The following AGAP2 variants were observed in gnomAD, a reference collection of about 807,000 sequenced individuals.
The protein encoded by AGAP2 is arf-GAP with GTPase, ANK repeat and PH domain-containing protein 2.
A neutral mutation model predicts 110.9 loss-of-function variants in AGAP2; 32 were observed. That is an observed-to-expected ratio of 0.29 (90% CI 0.22 to 0.39). The LOEUF (loss-of-function observed/expected upper bound fraction) is 0.39, where lower values mean the gene tolerates loss of function less well. AGAP2 is among the 10% of genes least tolerant of loss of function. The probability of loss-of-function intolerance (pLI) is 1.00; values close to 1 mark genes in which losing one functional copy is unlikely to be tolerated. For synonymous variants in AGAP2, 702 were observed against 713.0 expected, an observed-to-expected ratio of 0.98 and a Z score of 0.25; for missense variants, 1,285 against 1,638.5, an observed-to-expected ratio of 0.78 and a Z score of 3.72.
At chr12:57,731,004 G>T (rs1954875467) in intron 10 of AGAP2, 51 bp from the exon 11 acceptor site, 5 of 1,461,982 alleles carry the variant, frequency 3.4e-6, no homozygotes, top group African/African-American at 1.4e-5. Context: ...TCCTTGGTAT[G>T]CTGGGAAGCA....
In AGAP2 at chr12:57,734,491, C is replaced by T. The variant is rs1016387824; in HGVS notation, c.1316-87G>A. ...GCTCCCAGTGCTTTTGCTATTATGG[C>T]CTCATCCTTCCCCCCTGGTCTCCAC... is the stretch of plus-strand genomic sequence containing the variant. On this transcript the variant is annotated intron_variant, in intron 3 of 18. Transcript: ENST00000547588. The T allele has an allele frequency of 1.0e-5, 16 of 1,584,258 alleles. No homozygotes were observed. The African/African-American group carries it at 1.7e-4, about 17-fold the overall frequency.
intron 1 of AGAP2, 95 bp from the exon 2 acceptor site, chr12:57,735,522 C>T: frequency 1.7e-6 from 2 of 1,157,984 alleles, no homozygotes; most frequent in Non-Finnish European, 2.5e-6. Context: ...CTTTCCAACC[C>T]CCCCCCAACC....
chr12:57,741,228 G>A (rs1595099835), upstream of AGAP2, among the ~76,000 whole-genome samples: 1 of 152,270 alleles, frequency 6.6e-6, no homozygotes, highest in East Asian at 1.9e-4. Context: ...TGTTGCCATG[G>A]CAGCATTTCC....
chr12:57,731,029 G>A, intron 10 of AGAP2, 76 bp from the exon 11 acceptor site: 34 of 1,394,922 alleles, frequency 2.4e-5, no homozygotes, highest in Non-Finnish European at 3.1e-5. Context: ...ACATGGTACA[G>A]AATAGAGAGG....
intron 10 of AGAP2, 32 bp from the exon 11 acceptor site, chr12:57,730,985 A>G: frequency 6.7e-7 from 1 of 1,481,828 alleles, no homozygotes; most frequent in Non-Finnish European, 8.9e-7. Flanking sequence ...AGTGTAGGGA[A>G]GGTTGGGGTC....
In AGAP2 at chr12:57,737,951, C is replaced by G. The variant is rs1955021716; in HGVS notation, c.296G>C (p.Ser99Thr). The change falls in exon 1 of 19, where the codon AGT (serine) becomes ACT (threonine). Residue 99 changes from serine to threonine, a missense_variant. By Grantham distance (58) the Ser-to-Thr change is moderately conservative. This residue lies in a region of AGAP2 where 844 missense variants were observed against 941.2 expected (regional missense o/e 0.90). Coordinates refer to ENST00000547588, the MANE Select transcript of AGAP2 (RefSeq NM_001122772.3). This position sits in a 1 kb window ranked among gnomAD's most constrained non-coding sequence, Gnocchi z 5.9. ...EPPALSPAPA[S>T]PARPVSPAPG... Reference sequence around the variant, plus strand: ...AGCGGGGGAGACTGGGCGGGCCGGACTGGCCGGAGCCGGGGACAGGGCTGG... The same window carrying G: ...AGCGGGGGAGACTGGGCGGGCCGGAGTGGCCGGAGCCGGGGACAGGGCTGG... The G allele has an allele frequency of 2.1e-6, 3 of 1,396,466 alleles. No homozygotes were observed. Among genetic ancestry groups the G allele is most frequent in the Non-Finnish European group, 2.8e-6 (3 of 1,085,710 alleles). 86.5% of individuals were successfully genotyped at this position (1,396,466 alleles called of 1,614,324 possible). A position where few individuals can be genotyped will look rare whatever the true frequency, so the allele number is the denominator to read the frequency against.
At chr12:57,734,427 G>C in intron 3 of AGAP2, 23 bp from the exon 4 acceptor site, 1 of 1,613,220 alleles carries the variant, frequency 6.2e-7, no homozygotes, top group Non-Finnish European at 8.5e-7. Context: ...GTTGGAAGGG[G>C]TAACAGGTCA....
chr12:57,733,869 T>C (rs1954929911), intron 5 of AGAP2, among the ~76,000 whole-genome samples, 157 bp downstream of exon 5: 1 of 152,216 alleles, frequency 6.6e-6, no homozygotes, highest in African/African-American at 2.4e-5. Flanking sequence ...TTTGGTTTCA[T>C]GACTCCCTTA....
chr12:57,728,109 C>A, intron 14 of AGAP2, 24 bp from the exon 15 acceptor site: 1 of 1,571,816 alleles, frequency 6.4e-7, no homozygotes, highest in South Asian at 1.2e-5. Context: ...GGGATGGGGT[C>A]ATTAAGGGAC....
In AGAP2 at chr12:57,726,342, T is replaced by G; in HGVS notation, c.*210A>C. On this transcript the variant is annotated 3_prime_UTR_variant, in exon 19 of 19. Transcript: ENST00000547588. The surrounding 1 kb of genome is among the most constrained non-coding windows in gnomAD (Gnocchi z 5.7). The stretch of plus-strand genomic sequence containing the variant: ...TGGAAACAATGGAGAGGGGGCGTGT[T>G]GAGCTGGGGTCTCCATGCCTCGTTG... 3.0e-6 allele frequency: 1 copy of G among 338,224 alleles called. No individual in the cohort carries two copies. Among genetic ancestry groups the G allele is most frequent in the Non-Finnish European group, 4.9e-6 (1 of 203,176 alleles). The allele number at this position is 338,224 out of a possible 1,614,324, so 21.0% of individuals were successfully genotyped here. A position where few individuals can be genotyped will look rare whatever the true frequency, so the allele number is the denominator to read the frequency against.
intron 1 of AGAP2, among the ~76,000 whole-genome samples, chr12:57,736,083 A>T (rs570550938): frequency 6.6e-6 from 1 of 152,094 alleles, no homozygotes; most frequent in African/African-American, 2.4e-5. Context: ...GGGGGAAAGG[A>T]TGCTCCTTCC....
In AGAP2 at chr12:57,731,985, A is replaced by G. The variant is rs1300353450; in HGVS notation, c.1795-18T>C. On this transcript the variant is annotated intron_variant, in intron 7 of 18. Transcript: ENST00000547588. ...TTACTAGCCTGGGCACATATGGAAG[A>G]GTCAGCAGAGCTGAGATGCCCCCTA... is the stretch of plus-strand genomic sequence containing the variant. 1.2e-6 allele frequency: 2 copies of G among 1,611,992 alleles called. No individual in the cohort carries two copies. Among genetic ancestry groups the G allele is most frequent in the Non-Finnish European group, 1.7e-6 (2 of 1,179,446 alleles).
chr12:57,737,776 G>A lies in AGAP2; in HGVS notation c.471C>T (p.Gly157=), dbSNP rs1348284198. ...AGCCAGGGATGCCGCCGCCCGCCCG[G>A]CCTTCGGGCTCCGGGCCGCCCCAGC... ...SPSWGGPEPE[G]RAGGGIPGSS... Residue 157 remains glycine, a synonymous_variant, in exon 1 of 19, where the codon GGC becomes GGT. Transcript: ENST00000547588. The surrounding 1 kb of genome is among the most constrained non-coding windows in gnomAD (Gnocchi z 5.9). The A allele has an allele frequency of 1.3e-6, 2 of 1,531,968 alleles. No homozygotes were observed. The highest frequency in any genetic ancestry group is 1.7e-6 in the Non-Finnish European group (2 of 1,145,324). 94.9% of individuals were successfully genotyped at this position (1,531,968 alleles called of 1,614,324 possible).
At chr12:57,738,895 G>A (rs1565799417), upstream of AGAP2, among the ~76,000 whole-genome samples, 1 of 152,014 alleles carries the variant, frequency 6.6e-6, no homozygotes, top group Non-Finnish European at 1.5e-5. This position sits in a 1 kb window ranked among gnomAD's most constrained non-coding sequence, Gnocchi z 6.7. Flanking sequence ...TCCGGGCGAA[G>A]AGTCCGGGGG....
intron 9 of AGAP2, 28 bp from the exon 10 acceptor site, chr12:57,731,498 G>A (rs750067713): frequency 6.2e-7 from 1 of 1,613,884 alleles, no homozygotes; most frequent in Non-Finnish European, 8.5e-7. Flanking sequence ...ACACATGTGG[G>A]AAAAAAGCCA....
At chr12:57,741,966 C>T (rs200519529), upstream of AGAP2, 271 of 1,614,084 alleles carry the variant, frequency 1.7e-4, 2 homozygotes, top group Non-Finnish European at 2.2e-4. Context: ...GGGTCGTCCA[C>T]CCTCTCTGCC....
At chr12:57,742,027 T>C, upstream of AGAP2, 2 of 1,614,166 alleles carry the variant, frequency 1.2e-6, no homozygotes, top group Non-Finnish European at 1.7e-6. Flanking sequence ...GTCGTCTGAC[T>C]TCTGCTCTCA....
At chr12:57,732,029 A>G in intron 7 of AGAP2, 62 bp from the exon 8 acceptor site, 2 of 1,547,810 alleles carry the variant, frequency 1.3e-6, no homozygotes, top group South Asian at 1.2e-5. Context: ...AGCTACACTC[A>G]TATCTCGTTA....
In AGAP2 at chr12:57,738,688, A is replaced by C. The variant is rs932854169; in HGVS notation, c.-442T>G. On this transcript the variant is annotated 5_prime_UTR_variant, in exon 1 of 19. Coordinates refer to ENST00000547588, the MANE Select transcript of AGAP2 (RefSeq NM_001122772.3). The surrounding 1 kb of genome is among the most constrained non-coding windows in gnomAD (Gnocchi z 6.7). ...GGGGCGGGGAATTGGGACTCAAGGG[A>C]CAGGGGCCGCGGATGCGGTCGGAAA... 1.3e-5 allele frequency among the ~76,000 whole-genome samples: 2 copies of C among 151,704 alleles called. No homozygotes were observed. Among genetic ancestry groups the C allele is most frequent in the Non-Finnish European group, 2.9e-5 (2 of 67,890 alleles).
Sources: gnomAD v4.1 joint callset for allele counts (sites outside exome capture counted in the v4.1 genomes callset) on GRCh38, gnomAD v4.1.1 for gene constraint, gnomAD v4.1.1 regional missense constraint, Gnocchi (gnomAD v3.1) non-coding constraint, MANE v1.5 for transcripts, NCBI Gene and HGNC (gene_info 2026-07-23, HGNC 2026-07-21) for gene names.